Variants in DOCK2 observed in about 807,000 individuals in gnomAD.
DOCK2 encodes the protein dedicator of cytokinesis protein 2.
DOCK2 carries 87 observed loss-of-function variants against 248.9 expected under a neutral mutation model. That is an observed-to-expected ratio of 0.35 (90% CI 0.29 to 0.42). DOCK2 has a LOEUF of 0.42. Among genes scored for constraint, DOCK2 ranks in the 10% least tolerant of loss-of-function variants. The pLI is 1.00. For missense variants in DOCK2, 1,747 were observed against 2,300.2 expected (o/e 0.76, Z 4.92); for synonymous variants, 805 against 821.6 (o/e 0.98, Z 0.35).
intron 33 of DOCK2, among the ~76,000 whole-genome samples, chr5:170,019,485 C>G (rs1442331643): frequency 2.0e-5 from 3 of 152,164 alleles, no homozygotes; most frequent in African/African-American, 4.8e-5. Flanking sequence ...CTCTGCGGAT[C>G]TACATTATCT....
intron 25 of DOCK2, among the ~76,000 whole-genome samples, chr5:169,772,682 G>A (rs1337291843): frequency 1.3e-5 from 2 of 152,178 alleles, no homozygotes; most frequent in Non-Finnish European, 2.9e-5. Flanking sequence ...GCTTCACAGT[G>A]ATAATAATTC....
intron 25 of DOCK2, among the ~76,000 whole-genome samples, chr5:169,786,935 G>C (rs943656779): frequency 6.6e-6 from 1 of 152,082 alleles, no homozygotes; most frequent in African/African-American, 2.4e-5. Context: ...TACCCAGAAA[G>C]TTACATATAA....
chr5:169,937,312 C>T (rs1291995289), intron 27 of DOCK2, among the ~76,000 whole-genome samples: 3 of 152,192 alleles, frequency 2.0e-5, no homozygotes, highest in Non-Finnish European at 4.4e-5. Context: ...AGTTTGCCAA[C>T]CCGTAGACTT....
intron 30 of DOCK2, chr5:170,000,425 G>A (rs775483217): frequency 1.3e-5 from 2 of 152,152 alleles, no homozygotes; most frequent in Non-Finnish European, 2.9e-5. Flanking sequence ...AATAAATGGG[G>A]CTGCTGCGAT....
At chr5:169,878,200 G>A (rs1049415634) in intron 27 of DOCK2, among the ~76,000 whole-genome samples, 1 of 152,190 alleles carries the variant, frequency 6.6e-6, no homozygotes, top group Non-Finnish European at 1.5e-5. Context: ...GGGACCTCGT[G>A]CCCTTGAGAA....
In DOCK2 at chr5:169,923,306, C is replaced by T. The variant is rs1775274041; in HGVS notation, c.2800-59762C>T. On this transcript the variant is annotated intron_variant, in intron 27 of 51. Transcript: ENST00000520908. ...AATGGTTTTTACTTTTTTCTTTGTA[C>T]TTTCATATATTTCCTAAATTTCCTA... Among the ~76,000 whole-genome samples, 5 of 152,170 alleles carry T rather than the reference C, an allele frequency of 3.3e-5. No homozygotes were observed. In the South Asian group the frequency reaches 1.0e-3, roughly 32 times the overall value.
At chr5:169,973,770 G>A (rs1431179074) in intron 27 of DOCK2, among the ~76,000 whole-genome samples, 2 of 152,214 alleles carry the variant, frequency 1.3e-5, no homozygotes, top group African/African-American at 4.8e-5. Context: ...TAGTCATTAA[G>A]AGGGCTGGTT....
At chr5:169,885,160 A>G (rs983384247) in intron 27 of DOCK2, among the ~76,000 whole-genome samples, 2 of 152,196 alleles carry the variant, frequency 1.3e-5, no homozygotes, top group Non-Finnish European at 2.9e-5. Flanking sequence ...GACCCATTGT[A>G]CATCCTCGTC....
chr5:170,040,400 G>A (rs1756473028), intron 36 of DOCK2, among the ~76,000 whole-genome samples: 1 of 152,180 alleles, frequency 6.6e-6, no homozygotes, highest in Non-Finnish European at 1.5e-5. Flanking sequence ...AAGTTAAAAT[G>A]TGACTGCAGT....
intron 27 of DOCK2, among the ~76,000 whole-genome samples, chr5:169,922,985 C>G (rs917980672): frequency 6.6e-6 from 1 of 152,176 alleles, no homozygotes; most frequent in South Asian, 2.1e-4. Flanking sequence ...GTGAATTTCT[C>G]TTATCGGTCC....
At chr5:169,961,630 C>A (rs1231890477) in intron 27 of DOCK2, among the ~76,000 whole-genome samples, 1 of 152,104 alleles carries the variant, frequency 6.6e-6, no homozygotes, top group Non-Finnish European at 1.5e-5. Context: ...AAATAAATAT[C>A]TAATTAAAAT....
chr5:169,718,971 T>TG (rs1762051629), intron 22 of DOCK2, among the ~76,000 whole-genome samples, 180 bp downstream of exon 22: 1 of 152,188 alleles, frequency 6.6e-6, no homozygotes, highest in African/African-American at 2.4e-5. Context: ...TAAGTTCATT[T>TG]GGGAAAAAAA....
At position 170,043,461 on chromosome 5, in the gene DOCK2, C is replaced by A. The variant is rs141144066; in HGVS notation, c.3876+1329C>A. 9.6e-4 allele frequency among the ~76,000 whole-genome samples: 146 copies of A among 152,352 alleles called. 1 individual carries two copies. The highest frequency in any genetic ancestry group is 4.2e-3 in the Admixed American group (64 of 15,308). ...CTCTGGCTTACCTGCAGCCCTCCCT[C>A]TCCTCTGCAATGCAAGACCTCTTAC... On this transcript the variant is annotated intron_variant, in intron 38 of 51. Coordinates refer to ENST00000520908, the MANE Select transcript of DOCK2 (RefSeq NM_004946.3).
chr5:170,015,816 C>T (rs567640142), intron 32 of DOCK2, among the ~76,000 whole-genome samples: 9 of 149,962 alleles, frequency 6.0e-5, no homozygotes, highest in African/African-American at 2.2e-4. Context: ...TTCCCTCCCT[C>T]CCTCCTTTTC....
At chr5:169,682,429 C>A (rs1251280351) in intron 7 of DOCK2, among the ~76,000 whole-genome samples, 2 of 152,180 alleles carry the variant, frequency 1.3e-5, no homozygotes, top group African/African-American at 2.4e-5. Flanking sequence ...GAAAGCCAAA[C>A]AAGGATGAGG....
chr5:169,835,259 G>GTTTTTTTTT lies in DOCK2; in HGVS notation c.2704-5498_2704-5497insTTTTTTTTT, dbSNP rs763950012. Reference sequence around the variant, plus strand: ...AGTGGGAGGAAAGAGTGAAATGCCTGGTTTTTTTTTTTTTTTTTTTGAGAC... The same window carrying GTTTTTTTTT: ...AGTGGGAGGAAAGAGTGAAATGCCTGTTTTTTTTTGTTTTTTTTTTTTTTTTTTTGAGAC... On this transcript the variant is annotated intron_variant, in intron 26 of 51. Transcript: ENST00000520908. 1.4e-5 allele frequency among the ~76,000 whole-genome samples: 2 copies of GTTTTTTTTT among 138,610 alleles called. 1 individual carries two copies. The allele number at this position is 138,610 out of a possible 152,430, so 90.9% of individuals were successfully genotyped here. A position where few individuals can be genotyped will look rare whatever the true frequency, so the allele number is the denominator to read the frequency against.
intron 36 of DOCK2, among the ~76,000 whole-genome samples, chr5:170,037,440 T>A (rs1756357930): frequency 6.6e-6 from 1 of 151,826 alleles, no homozygotes; most frequent in Non-Finnish European, 1.5e-5. Context: ...AACATTTAGA[T>A]TGTTTCCAAC....
At chr5:169,975,677 C>A (rs1255856629) in intron 27 of DOCK2, among the ~76,000 whole-genome samples, 1 of 152,214 alleles carries the variant, frequency 6.6e-6, no homozygotes, top group Non-Finnish European at 1.5e-5. Context: ...GAAAATAGGG[C>A]AGATACTCCA....
intron 23 of DOCK2, among the ~76,000 whole-genome samples, chr5:169,749,179 G>T (rs1044382842): frequency 6.6e-6 from 1 of 152,162 alleles, no homozygotes. Context: ...CATACACATA[G>T]GTGGAAAGCA....
Sources: allele counts gnomAD v4.1 joint callset (sites outside exome capture counted in the v4.1 genomes callset), GRCh38; gene constraint gnomAD v4.1.1; transcripts MANE v1.5; gene names NCBI Gene and HGNC (gene_info 2026-07-23, HGNC 2026-07-21).